The following TAOK1 variants were observed in gnomAD, a reference collection of about 807,000 sequenced individuals.
TAOK1 encodes TAO kinase 1.
Under a neutral mutation model 138.3 loss-of-function variants are expected in TAOK1, and 21 were observed. The observed-to-expected ratio is 0.15, with a 90% CI of 0.11 to 0.22. The LOEUF is 0.22. Ranked by LOEUF, TAOK1 falls within the 10% of genes least tolerant of loss-of-function variation. The probability of loss-of-function intolerance (pLI) is 1.00; values close to 1 mark genes in which losing one functional copy is unlikely to be tolerated. For missense variants in TAOK1, 651 were observed against 1,227.7 expected (o/e 0.53, Z 7.02); for synonymous variants, 361 against 398.4 (o/e 0.91, Z 1.12).
At position 29,459,451 on chromosome 17, in the gene TAOK1, G is replaced by T. The variant is rs567436873; in HGVS notation, c.133-7694G>T. Among the ~76,000 whole-genome samples the T allele has an allele frequency of 1.5e-4, 22 of 149,926 alleles. No homozygotes were observed. In the South Asian group the frequency reaches 4.3e-3, roughly 29 times the overall value. On this transcript the variant is annotated intron_variant, in intron 2 of 19. Coordinates refer to ENST00000261716, the MANE Select transcript of TAOK1 (RefSeq NM_020791.4). Reference sequence around the variant, plus strand: ...CGCCCGCCCCCACGCCCGGCTGTTTGTTTTTTTTTATTTTTAGTAGAAACG... The same window carrying T: ...CGCCCGCCCCCACGCCCGGCTGTTTTTTTTTTTTTATTTTTAGTAGAAACG...
chr17:29,414,402 A>G (rs373680620), intron 1 of TAOK1, among the ~76,000 whole-genome samples: 2 of 151,940 alleles, frequency 1.3e-5, no homozygotes, highest in Non-Finnish European at 1.5e-5. Context: ...GGCACACGCC[A>G]CTGTGCCTGG....
chr17:29,409,238 A>G (rs1313816113), intron 1 of TAOK1, among the ~76,000 whole-genome samples: 1 of 150,102 alleles, frequency 6.7e-6, no homozygotes, highest in Non-Finnish European at 1.5e-5. Context: ...TTGATAATTG[A>G]ATTATTTCCA....
At chr17:29,519,610 T>A (rs887249556) in intron 16 of TAOK1, among the ~76,000 whole-genome samples, 2 of 152,152 alleles carry the variant, frequency 1.3e-5, no homozygotes, top group African/African-American at 4.8e-5. Flanking sequence ...TGGGTTGAAA[T>A]AAGCTTGTAA....
intron 18 of TAOK1, among the ~76,000 whole-genome samples, chr17:29,533,584 A>G (rs562940008): frequency 4.2e-4 from 64 of 152,072 alleles, no homozygotes; most frequent in African/African-American, 1.5e-3. Flanking sequence ...TCCGTCTGCA[A>G]TCCTGGCACC....
intron 19 of TAOK1, among the ~76,000 whole-genome samples, chr17:29,541,865 ATTTTATTTTACT>A (rs2032323400): frequency 6.6e-6 from 1 of 151,854 alleles, no homozygotes; most frequent in South Asian, 2.1e-4. Context: ...TTATTTTTTT[ATTTTATTTTACT>A]TTTTATTTTT....
At chr17:29,483,151 C>T (rs1376632407) in intron 8 of TAOK1, among the ~76,000 whole-genome samples, 1 of 152,160 alleles carries the variant, frequency 6.6e-6, no homozygotes, top group Non-Finnish European at 1.5e-5. Flanking sequence ...AATCTCAGCT[C>T]ACTCTAACCT....
In TAOK1 at chr17:29,467,158, G is replaced by A. The variant is rs370461672; in HGVS notation, c.146G>A (p.Arg49His). ...FGAVYFARDV[R>H]TNEVVAIKKM... is the part of the protein sequence containing the mutation. Reference sequence around the variant, plus strand: ...TTTCTTCTTTAGGCACGAGATGTGCGTACCAATGAAGTGGTGGCCATCAAG... The same window carrying A: ...TTTCTTCTTTAGGCACGAGATGTGCATACCAATGAAGTGGTGGCCATCAAG... Residue 49 changes from arginine (R) to histidine (H), a missense_variant, in exon 3 of 20, where the codon CGT becomes CAT. Physicochemically the swap from Arg to His is conservative, Grantham distance 29. Transcript: ENST00000261716. 4.5e-5 allele frequency: 72 copies of A among 1,600,782 alleles called. No homozygotes were observed. The highest frequency in any genetic ancestry group is 9.0e-5 in the East Asian group (4 of 44,640).
intron 3 of TAOK1, among the ~76,000 whole-genome samples, chr17:29,471,319 C>T (rs1198822754): frequency 6.6e-5 from 8 of 120,892 alleles, no homozygotes; most frequent in African/African-American, 1.6e-4. Context: ...CTCACTCTGT[C>T]GCCAGGCTGG....
At chr17:29,482,092 G>A in intron 7 of TAOK1, 105 bp from the exon 8 acceptor site, 1 of 762,604 alleles carries the variant, frequency 1.3e-6, no homozygotes, top group South Asian at 1.8e-5. Flanking sequence ...AGATATATTG[G>A]CTAGAATTCA....
chr17:29,536,700 CTTTTT>C (rs547178969), intron 19 of TAOK1, among the ~76,000 whole-genome samples: 1 of 128,570 alleles, frequency 7.8e-6, no homozygotes. Context: ...GTCATTCAAA[CTTTTT>C]TTTTTTTTTT....
chr17:29,451,431 C>CTT, intron 1 of TAOK1, 24 bp from the exon 2 acceptor site: 2 of 1,296,006 alleles, frequency 1.5e-6, no homozygotes, highest in Non-Finnish European at 2.0e-6. Context: ...CCTTTTCTGA[C>CTT]TTTTTTTTTC....
At chr17:29,446,219 C>T (rs557113356) in intron 1 of TAOK1, among the ~76,000 whole-genome samples, 1 of 152,216 alleles carries the variant, frequency 6.6e-6, no homozygotes, top group South Asian at 2.1e-4. Context: ...CCCAAATAAC[C>T]AATTTTTGAC....
chr17:29,521,979 C>A (rs1299731696), intron 16 of TAOK1, among the ~76,000 whole-genome samples: 1 of 152,118 alleles, frequency 6.6e-6, no homozygotes, highest in African/African-American at 2.4e-5. Flanking sequence ...ACTTAGGAGC[C>A]CTCTTCAAAT....
intron 1 of TAOK1, among the ~76,000 whole-genome samples, chr17:29,425,468 C>G (rs1355768357): frequency 1.3e-5 from 2 of 152,164 alleles, no homozygotes; most frequent in African/African-American, 4.8e-5. Flanking sequence ...AGCTTGAGTT[C>G]ACGAGTTTGA....
At chr17:29,434,908 C>T (rs887096952) in intron 1 of TAOK1, among the ~76,000 whole-genome samples, 3 of 152,098 alleles carry the variant, frequency 2.0e-5, no homozygotes, top group Non-Finnish European at 2.9e-5. Context: ...CCTTGTAAGC[C>T]AAATGCTAAG....
intron 1 of TAOK1, among the ~76,000 whole-genome samples, chr17:29,421,213 GC>G (rs1241878213): frequency 6.6e-6 from 1 of 152,220 alleles, no homozygotes; most frequent in Non-Finnish European, 1.5e-5. Flanking sequence ...ACAGGCGTGA[GC>G]CACCGCATCC....
At position 29,410,206 on chromosome 17, in the gene TAOK1, T is replaced by C. The variant is rs142414492; in HGVS notation, c.-95+19182T>C. ...AATGGGAATAATAATACTTTCCACA[T>C]AGTGTTAAAAGGATTAGATGCATTG... On this transcript the variant is annotated intron_variant, in intron 1 of 19. Transcript: ENST00000261716. Among the ~76,000 whole-genome samples, 1,013 of 152,270 alleles carry C rather than the reference T, an allele frequency of 6.7e-3. 4 individuals are homozygous for C. The highest frequency in any genetic ancestry group is 0.01 in the Non-Finnish European group (702 of 68,026).
intron 1 of TAOK1, among the ~76,000 whole-genome samples, chr17:29,433,899 T>G (rs1405381195): frequency 6.6e-6 from 1 of 152,030 alleles, no homozygotes; most frequent in Admixed American, 6.6e-5. Context: ...GGGGCCTGTT[T>G]TGGGGGAAAC....
intron 1 of TAOK1, among the ~76,000 whole-genome samples, chr17:29,406,780 C>G (rs1905004263): frequency 6.6e-6 from 1 of 152,172 alleles, no homozygotes; most frequent in South Asian, 2.1e-4. Flanking sequence ...GTTGCCTAGG[C>G]TGGTCTTGAA....
Sources: allele counts gnomAD v4.1 joint callset (sites outside exome capture counted in the v4.1 genomes callset), GRCh38; gene constraint gnomAD v4.1.1; transcripts MANE v1.5; gene names NCBI Gene and HGNC (gene_info 2026-07-23, HGNC 2026-07-21).